The following SNX19 variants were observed in gnomAD, a reference collection of about 807,000 sequenced individuals.
SNX19 encodes the protein sorting nexin-19.
In SNX19, 60 loss-of-function variants were observed where a neutral mutation model predicts 85.2. The observed-to-expected ratio is 0.70, with a 90% confidence interval of 0.57 to 0.87. SNX19 has a LOEUF of 0.87. SNX19 is among the 40% of genes least tolerant of loss of function. SNX19 has a pLI of 0.00. For synonymous variants in SNX19, 520 were observed against 470.0 expected, an observed-to-expected ratio of 1.11 and a Z score of -1.38; for missense variants, 1,201 against 1,217.8, an observed-to-expected ratio of 0.99 and a Z score of 0.21.
At chr11:130,900,803 A>C (rs1275906622) in intron 8 of SNX19, among the ~76,000 whole-genome samples, 1 of 152,116 alleles carries the variant, frequency 6.6e-6, no homozygotes, top group Non-Finnish European at 1.5e-5. Context: ...AACCACTTAG[A>C]AGATTAGCAA....
intron 2 of SNX19, chr11:130,911,318 A>T (rs1005133759): frequency 4.6e-6 from 2 of 433,186 alleles, no homozygotes; most frequent in Non-Finnish European, 6.6e-6. Context: ...AAGAACCACC[A>T]ATCTATGAAT....
chr11:130,912,028 G>T (rs540064802), intron 1 of SNX19, among the ~76,000 whole-genome samples: 2 of 151,708 alleles, frequency 1.3e-5, no homozygotes, highest in Non-Finnish European at 3.0e-5. Context: ...TTATAAAAAT[G>T]GCTACATAAC....
intron 8 of SNX19, among the ~76,000 whole-genome samples, chr11:130,887,025 A>G (rs1944133706): frequency 6.6e-6 from 1 of 152,344 alleles, no homozygotes; most frequent in Non-Finnish European, 1.5e-5. Context: ...TGTGAAATCT[A>G]AAATGGCTCA....
At position 130,867,891 on chromosome 11, in the gene SNX19, C is replaced by T. The variant is rs930396033; in HGVS notation, c.*10531G>A. On this transcript the variant is annotated 3_prime_UTR_variant, in exon 11 of 11. Coordinates refer to ENST00000265909, the MANE Select transcript of SNX19 (RefSeq NM_014758.3). Reference sequence around the variant, plus strand: ...ATCACTGGAACCCATGACTACAAGGCAGCTCTTGCGATGCCAGGCAAATGT... The same window carrying T: ...ATCACTGGAACCCATGACTACAAGGTAGCTCTTGCGATGCCAGGCAAATGT... 2 of 152,222 alleles carry T rather than the reference C, an allele frequency of 1.3e-5. No homozygotes were observed. Among genetic ancestry groups the T allele is most frequent in the African/African-American group, 2.4e-5 (1 of 41,446 alleles). The allele number at this position is 152,222 out of a possible 1,614,324, so 9.4% of individuals were successfully genotyped here. A position where few individuals can be genotyped will look rare whatever the true frequency, so the allele number is the denominator to read the frequency against.
Position 130,915,859 on chromosome 11 carries a change from C to G in SNX19, c.81G>C (p.Arg27=). 6.2e-7 allele frequency: 1 copy of G among 1,614,238 alleles called. No homozygotes were observed. Among genetic ancestry groups the G allele is most frequent in the Non-Finnish European group, 8.5e-7 (1 of 1,180,046 alleles). The change falls in exon 1 of 11, where the codon CGG becomes CGC. Residue 27 remains arginine, a synonymous_variant. Coordinates refer to ENST00000265909, the MANE Select transcript of SNX19 (RefSeq NM_014758.3). ...SCHLNNLLSS[R]KLMAVGVLLG... ...GCAAGACCCCCACAGCCATCAGCTT[C>G]CGGCTACTCAACAGGTTATTGAGGT...
chr11:130,899,201 T>C (rs934108913), intron 8 of SNX19, among the ~76,000 whole-genome samples: 2 of 152,238 alleles, frequency 1.3e-5, no homozygotes, highest in Non-Finnish European at 2.9e-5. Context: ...CAACTCTCGA[T>C]AAACATTTGC....
At chr11:130,891,271 C>T (rs1305344006) in intron 8 of SNX19, among the ~76,000 whole-genome samples, 1 of 152,136 alleles carries the variant, frequency 6.6e-6, no homozygotes, top group Non-Finnish European at 1.5e-5. Flanking sequence ...AGCGATAGAG[C>T]TGATGTTGTA....
chr11:130,893,948 C>G (rs1390184083), intron 8 of SNX19: 2 of 616,926 alleles, frequency 3.2e-6, no homozygotes, highest in African/African-American at 3.7e-5. Context: ...CCTGCAAGGA[C>G]AGAGGTAAAG....
chr11:130,916,007 G>C lies in SNX19; in HGVS notation c.-68C>G. 2 of 1,419,432 alleles carry C rather than the reference G, an allele frequency of 1.4e-6. No homozygotes were observed. The highest frequency in any genetic ancestry group is 1.9e-6 in the Non-Finnish European group (2 of 1,037,444). The allele number at this position is 1,419,432 out of a possible 1,614,324, so 87.9% of individuals were successfully genotyped here. A position where few individuals can be genotyped will look rare whatever the true frequency, so the allele number is the denominator to read the frequency against. Reference sequence around the variant, plus strand: ...GATTTTACTTCAGAGTTAGGGAAGGGGGGCATGAACTGTGTCTCAGATATG... The same window carrying C: ...GATTTTACTTCAGAGTTAGGGAAGGCGGGCATGAACTGTGTCTCAGATATG... On this transcript the variant is annotated 5_prime_UTR_variant, in exon 1 of 11. Coordinates refer to ENST00000265909, the MANE Select transcript of SNX19 (RefSeq NM_014758.3).
intron 5 of SNX19, among the ~76,000 whole-genome samples, chr11:130,907,341 T>C (rs73028850): frequency 0.16 from 24,112 of 152,000 alleles, 2,169 homozygotes; most frequent in Middle Eastern, 0.25. Flanking sequence ...CACACACACA[T>C]ACACACATGC....
chr11:130,910,837 G>A (rs1217762056), intron 2 of SNX19, among the ~76,000 whole-genome samples: 2 of 152,074 alleles, frequency 1.3e-5, no homozygotes, highest in Non-Finnish European at 2.9e-5. Flanking sequence ...CAACTATTTG[G>A]GTAATCATTT....
chr11:130,879,577 A>G lies in SNX19; in HGVS notation c.2846+47T>C, dbSNP rs757383273. Reference sequence around the variant, plus strand: ...AAACCTTGGATACCTCTGAGACCAGAGGTGGCTGTAACTATGCTGATGTTG... The same window carrying G: ...AAACCTTGGATACCTCTGAGACCAGGGGTGGCTGTAACTATGCTGATGTTG... On this transcript the variant is annotated intron_variant, in intron 10 of 10. Transcript: ENST00000265909. 25 of 1,521,222 alleles carry G rather than the reference A, an allele frequency of 1.6e-5. 1 individual carries two copies. In the Middle Eastern group the frequency reaches 6.9e-4, roughly 42 times the overall value. The allele number at this position is 1,521,222 out of a possible 1,614,324, so 94.2% of individuals were successfully genotyped here.
Position 130,916,005 on chromosome 11 carries a change from G to A in SNX19, c.-66C>T. ...AAGATTTTACTTCAGAGTTAGGGAA[G>A]GGGGGCATGAACTGTGTCTCAGATA... On this transcript the variant is annotated 5_prime_UTR_variant, in exon 1 of 11. Transcript: ENST00000265909. 3 of 1,423,896 alleles carry A rather than the reference G, an allele frequency of 2.1e-6. No individual in the cohort carries two copies. The highest frequency in any genetic ancestry group is 2.0e-5 in the Admixed American group (1 of 49,654). 88.2% of individuals were successfully genotyped at this position (1,423,896 alleles called of 1,614,324 possible). A position where few individuals can be genotyped will look rare whatever the true frequency, so the allele number is the denominator to read the frequency against.
At position 130,884,638 on chromosome 11, in the gene SNX19, C is replaced by T. The variant is rs977362800; in HGVS notation, c.2574-3832G>A. Among the ~76,000 whole-genome samples, 25 of 152,116 alleles carry T rather than the reference C, an allele frequency of 1.6e-4. No individual in the cohort carries two copies. In the East Asian group the frequency reaches 4.3e-3, roughly 26 times the overall value. ...ATCCCAGCACTTTGGAAGGCTGAGG[C>T]GGGCAGATCACCTGAGGTCAAGAGT... is the stretch of plus-strand genomic sequence containing the variant. On this transcript the variant is annotated intron_variant, in intron 8 of 10. Coordinates refer to ENST00000265909, the MANE Select transcript of SNX19 (RefSeq NM_014758.3).
At chr11:130,907,900 G>C in intron 5 of SNX19, 53 bp downstream of exon 5, 1 of 1,604,918 alleles carries the variant, frequency 6.2e-7, no homozygotes, top group Non-Finnish European at 8.5e-7. Flanking sequence ...CTGAGGATTG[G>C]GGATCAATTT....
Position 130,908,122 on chromosome 11 carries a change from CCA to C in SNX19, c.2035-41_2035-40del, listed in dbSNP as rs1199798132. ...AGGTGCAGGGTCAGTCCATCCACAT[CCA>C]CAGATGGAAACCGCCAAGCAAGCAG... On this transcript the variant is annotated intron_variant, in intron 4 of 10. Transcript: ENST00000265909. The C allele has an allele frequency of 5.6e-6, 9 of 1,606,602 alleles. No homozygotes were observed. The East Asian group carries it at 2.0e-4, about 36-fold the overall frequency.
rs1490903185 is a variant in SNX19, at chr11:130,872,739, A to G, written c.*5683T>C. Among the ~76,000 whole-genome samples the G allele has an allele frequency of 6.6e-6, 1 of 152,204 alleles. No homozygotes were observed. The highest frequency in any genetic ancestry group is 1.5e-5 in the Non-Finnish European group (1 of 68,046). ...GGCCAAGTTATGGCAGAGTGCGCCC[A>G]GTTAGGCCTTCGACTACAAAAGTAT... On this transcript the variant is annotated 3_prime_UTR_variant, in exon 11 of 11. Transcript: ENST00000265909.
At chr11:130,888,585 C>T (rs886550413) in intron 8 of SNX19, among the ~76,000 whole-genome samples, 1 of 152,112 alleles carries the variant, frequency 6.6e-6, no homozygotes, top group Non-Finnish European at 1.5e-5. Flanking sequence ...TCTAGGGTTC[C>T]CCATTGCCCT....
intron 1 of SNX19, among the ~76,000 whole-genome samples, chr11:130,912,376 A>G (rs1486740315): frequency 6.6e-6 from 1 of 152,246 alleles, no homozygotes; most frequent in Non-Finnish European, 1.5e-5. Flanking sequence ...TAAGGGGTCA[A>G]AGTCCACTGT....
Sources: gnomAD v4.1 joint callset for allele counts (sites outside exome capture counted in the v4.1 genomes callset) on GRCh38, gnomAD v4.1.1 for gene constraint, MANE v1.5 for transcripts, NCBI Gene and HGNC (gene_info 2026-07-23, HGNC 2026-07-21) for gene names.